Variants in ST8SIA6 observed in about 807,000 individuals in gnomAD.
ST8SIA6 encodes the protein alpha-2,8-sialyltransferase 8F.
Under a neutral mutation model 33.6 loss-of-function variants are expected in ST8SIA6, and 39 were observed. That is an observed-to-expected ratio of 1.16 (90% CI 0.90 to 1.52). The LOEUF (loss-of-function observed/expected upper bound fraction) is 1.52. Ranked by LOEUF, ST8SIA6 falls within the 40% of genes most tolerant of loss-of-function variation. The probability of loss-of-function intolerance (pLI) is 0.00; values close to 1 mark genes in which losing one functional copy is unlikely to be tolerated. For missense variants in ST8SIA6, 441 were observed against 443.8 expected (o/e 0.99, Z 0.06); for synonymous variants, 172 against 167.2 (o/e 1.03, Z -0.22).
At chr10:17,369,760 G>A (rs1216672161) in intron 3 of ST8SIA6, among the ~76,000 whole-genome samples, 1 of 152,102 alleles carries the variant, frequency 6.6e-6, no homozygotes, top group Non-Finnish European at 1.5e-5. Context: ...ATTGCTAATG[G>A]ATGACCTTTA....
At chr10:17,376,504 A>G (rs1329792151) in intron 3 of ST8SIA6, among the ~76,000 whole-genome samples, 2 of 152,200 alleles carry the variant, frequency 1.3e-5, no homozygotes, top group Non-Finnish European at 2.9e-5. Context: ...AAGAGAAGGC[A>G]AAACAACAGA....
intron 3 of ST8SIA6, among the ~76,000 whole-genome samples, chr10:17,372,010 G>A (rs901412882): frequency 2.0e-5 from 3 of 152,068 alleles, no homozygotes; most frequent in African/African-American, 7.2e-5. Flanking sequence ...TCTCCAGGTC[G>A]AAAATAACTC....
chr10:17,375,316 C>T (rs958664607), intron 3 of ST8SIA6, among the ~76,000 whole-genome samples: 2 of 152,196 alleles, frequency 1.3e-5, no homozygotes, highest in Non-Finnish European at 2.9e-5. Flanking sequence ...GGACTACTTG[C>T]ATAGTTAGCA....
intron 2 of ST8SIA6, among the ~76,000 whole-genome samples, chr10:17,395,788 CAGG>C (rs1164455318): frequency 6.6e-6 from 1 of 152,080 alleles, no homozygotes; most frequent in Non-Finnish European, 1.5e-5. Flanking sequence ...GAGGCTGAGG[CAGG>C]AGAATTGCTT....
At chr10:17,344,768 C>T (rs1848777832) in intron 4 of ST8SIA6, among the ~76,000 whole-genome samples, 1 of 152,142 alleles carries the variant, frequency 6.6e-6, no homozygotes, top group African/African-American at 2.4e-5. Context: ...TCGCAAGGGC[C>T]AGGGAAGACC....
At chr10:17,348,076 T>C (rs948906650) in intron 4 of ST8SIA6, among the ~76,000 whole-genome samples, 2 of 145,802 alleles carry the variant, frequency 1.4e-5, no homozygotes, top group Non-Finnish European at 3.0e-5. Flanking sequence ...ATATTTTAAT[T>C]TGCAGACAAA....
At chr10:17,342,223 A>G (rs1377623203) in intron 4 of ST8SIA6, among the ~76,000 whole-genome samples, 1 of 152,252 alleles carries the variant, frequency 6.6e-6, no homozygotes, top group Non-Finnish European at 1.5e-5. Context: ...AAATACAAAT[A>G]TGAATAAAAC....
chr10:17,432,550 C>T (rs1852134425), intron 2 of ST8SIA6, among the ~76,000 whole-genome samples: 1 of 152,172 alleles, frequency 6.6e-6, no homozygotes, highest in African/African-American at 2.4e-5. Flanking sequence ...ATATAGCCAA[C>T]AAATGCAGTT....
intron 6 of ST8SIA6, among the ~76,000 whole-genome samples, chr10:17,325,406 G>A (rs544305434): frequency 1.9e-4 from 26 of 134,220 alleles, no homozygotes; most frequent in African/African-American, 7.3e-4. Flanking sequence ...GTATATATGT[G>A]ATTATATATA....
At chr10:17,395,709 C>T (rs550796632) in intron 2 of ST8SIA6, among the ~76,000 whole-genome samples, 1 of 152,152 alleles carries the variant, frequency 6.6e-6, no homozygotes, top group East Asian at 1.9e-4. Flanking sequence ...ATGGAGAAAC[C>T]CCATCTCTAC....
intron 5 of ST8SIA6, among the ~76,000 whole-genome samples, chr10:17,330,016 G>A (rs904471034): frequency 2.5e-4 from 38 of 152,228 alleles, no homozygotes; most frequent in African/African-American, 8.7e-4. Context: ...GTAAAGCAAC[G>A]TGGGAAAGAG....
rs1847881899 is a variant in ST8SIA6, at chr10:17,319,671, A to T, written c.*1207T>A. Among the ~76,000 whole-genome samples, 1 of 152,022 alleles carries T rather than the reference A, an allele frequency of 6.6e-6. No homozygotes were observed. The highest frequency in any genetic ancestry group is 2.4e-5 in the African/African-American group (1 of 41,322). ...AGAAAAATTTTTAAGATAGGATATT[A>T]TATGGGAAAAAAAAGTAAGCTCTAA... On this transcript the variant is annotated 3_prime_UTR_variant, in exon 8 of 8. Coordinates refer to ENST00000377602, the MANE Select transcript of ST8SIA6 (RefSeq NM_001004470.3).
Position 17,326,886 on chromosome 10 carries a change from C to T in ST8SIA6, c.635+128G>A, listed in dbSNP as rs187360994. On this transcript the variant is annotated intron_variant, in intron 6 of 7. Transcript: ENST00000377602. ...CACATAACACTTCAGGAAACCTTCC[C>T]GGGTAATTTGTAGACTTTTGTAACA... 19 of 595,410 alleles carry T rather than the reference C, an allele frequency of 3.2e-5. No individual in the cohort carries two copies. The Admixed American group carries it at 3.3e-4, about 10-fold the overall frequency. 36.9% of individuals were successfully genotyped at this position (595,410 alleles called of 1,614,324 possible). A position where few individuals can be genotyped will look rare whatever the true frequency, so the allele number is the denominator to read the frequency against.
chr10:17,413,556 C>G (rs1851517676), intron 2 of ST8SIA6: 1 of 152,194 alleles, frequency 6.6e-6, no homozygotes, highest in African/African-American at 2.4e-5. Flanking sequence ...AAATGGCTTA[C>G]TTACACAGTG....
At chr10:17,408,672 AAATAAATAAATG>A (rs1329479950) in intron 2 of ST8SIA6, among the ~76,000 whole-genome samples, 40 of 152,154 alleles carry the variant, frequency 2.6e-4, no homozygotes, top group Non-Finnish European at 8.8e-5. Context: ...AAAAAAGATA[AAATAAATAAATG>A]AATAAATAAA....
At chr10:17,412,934 T>C (rs1851499903) in intron 2 of ST8SIA6, among the ~76,000 whole-genome samples, 1 of 152,202 alleles carries the variant, frequency 6.6e-6, no homozygotes, top group Admixed American at 6.5e-5. Context: ...TATTAAATTG[T>C]CATGTGTACT....
intron 2 of ST8SIA6, among the ~76,000 whole-genome samples, chr10:17,434,516 T>C (rs938147815): frequency 6.6e-6 from 1 of 152,186 alleles, no homozygotes; most frequent in African/African-American, 2.4e-5. Flanking sequence ...AAGAATATTT[T>C]CAAAAGAAAA....
At chr10:17,322,014 G>A (rs1348627016) in intron 7 of ST8SIA6, among the ~76,000 whole-genome samples, 1 of 151,702 alleles carries the variant, frequency 6.6e-6, no homozygotes, top group Non-Finnish European at 1.5e-5. Flanking sequence ...GAGGTGAGAG[G>A]ATCCCTTGAG....
At chr10:17,433,139 T>G (rs1352104509) in intron 2 of ST8SIA6, among the ~76,000 whole-genome samples, 1 of 152,156 alleles carries the variant, frequency 6.6e-6, no homozygotes, top group Non-Finnish European at 1.5e-5. Context: ...ACAGGTCACA[T>G]CCCAACTTCT....
Sources: gnomAD v4.1 joint callset for allele counts (sites outside exome capture counted in the v4.1 genomes callset) on GRCh38, gnomAD v4.1.1 for gene constraint, MANE v1.5 for transcripts, NCBI Gene and HGNC (gene_info 2026-07-23, HGNC 2026-07-21) for gene names.